Variants in MAJIN observed in about 807,000 individuals in gnomAD.
MAJIN encodes the protein membrane-anchored junction protein.
In MAJIN, 27 loss-of-function variants were observed where a neutral mutation model predicts 30.2. That is an observed-to-expected ratio of 0.89 (90% CI 0.66 to 1.23). The LOEUF (loss-of-function observed/expected upper bound fraction) is 1.23. MAJIN is among the 50% of genes most tolerant of loss of function. MAJIN has a pLI of 0.00. For missense variants in MAJIN, 253 were observed against 260.3 expected, an observed-to-expected ratio of 0.97 and a Z score of 0.19; for synonymous variants, 78 against 91.6, an observed-to-expected ratio of 0.85 and a Z score of 0.85.
intron 6 of MAJIN, among the ~76,000 whole-genome samples, chr11:64,948,841 AT>A (rs1359078171): frequency 6.9e-6 from 1 of 145,538 alleles, no homozygotes; most frequent in Non-Finnish European, 1.5e-5. Flanking sequence ...TTTAGTAGAA[AT>A]GGGGTTTCAC....
At chr11:64,940,352 C>T (rs560903493) in intron 9 of MAJIN, among the ~76,000 whole-genome samples, 2 of 152,266 alleles carry the variant, frequency 1.3e-5, no homozygotes, top group African/African-American at 4.8e-5. Flanking sequence ...AGAGGAAGGG[C>T]ATGCCCTACC....
intron 1 of MAJIN, among the ~76,000 whole-genome samples, chr11:64,962,562 T>C (rs950826012): frequency 1.3e-5 from 2 of 152,108 alleles, no homozygotes; most frequent in African/African-American, 4.8e-5. Flanking sequence ...ACAGGCAGTA[T>C]GGGATAGTGC....
chr11:64,955,465 T>C (rs1410266508), intron 3 of MAJIN, among the ~76,000 whole-genome samples: 3 of 152,256 alleles, frequency 2.0e-5, no homozygotes, highest in Non-Finnish European at 4.4e-5. Context: ...CTCACTTGTG[T>C]GACTGTTTAA....
chr11:64,943,283 C>T (rs894251760), intron 8 of MAJIN, among the ~76,000 whole-genome samples: 1 of 152,168 alleles, frequency 6.6e-6, no homozygotes. Flanking sequence ...ATTTTTTATC[C>T]TTCCAAAGTC....
chr11:64,959,236 G>A, intron 3 of MAJIN, 69 bp downstream of exon 3: 1 of 1,261,380 alleles, frequency 7.9e-7, no homozygotes, highest in Admixed American at 1.7e-5. Context: ...GTAAAGAAGA[G>A]GTGACCTGTG....
chr11:64,951,324 T>A (rs1945547928), intron 4 of MAJIN, among the ~76,000 whole-genome samples: 1 of 152,238 alleles, frequency 6.6e-6, no homozygotes, highest in Non-Finnish European at 1.5e-5. Context: ...GATTAGTCCC[T>A]AATTAAGCTA....
chr11:64,946,499 C>A (rs1296434899), intron 8 of MAJIN, among the ~76,000 whole-genome samples: 3 of 152,220 alleles, frequency 2.0e-5, no homozygotes, highest in Non-Finnish European at 4.4e-5. Context: ...AGCAAAGCTT[C>A]ATACCTCCAA....
At chr11:64,952,468 G>A (rs146953754) in intron 4 of MAJIN, among the ~76,000 whole-genome samples, 3 of 152,126 alleles carry the variant, frequency 2.0e-5, no homozygotes, top group Non-Finnish European at 4.4e-5. Context: ...GATTACAGGC[G>A]TGAGCCACAG....
Position 64,954,751 on chromosome 11 carries a change from C to G in MAJIN, c.147+6G>C. On this transcript the variant is annotated splice_donor_region_variant and intron_variant, in intron 4 of 10. Transcript: ENST00000301896. ...TTTTCCAGAAGTCGTATGCTTCTTT[C>G]CCTACCTCCAGCTCCTGGGTGATGA... 1 of 1,613,424 alleles carries G rather than the reference C, an allele frequency of 6.2e-7. No homozygotes were observed. Among genetic ancestry groups the G allele is most frequent in the Non-Finnish European group, 8.5e-7 (1 of 1,179,422 alleles).
At chr11:64,951,045 G>C (rs1032264818) in intron 4 of MAJIN, among the ~76,000 whole-genome samples, 1 of 152,122 alleles carries the variant, frequency 6.6e-6, no homozygotes, top group Non-Finnish European at 1.5e-5. Flanking sequence ...ATAATTGTTA[G>C]TATCAAACTT....
intron 1 of MAJIN, among the ~76,000 whole-genome samples, chr11:64,969,356 G>T (rs1167161839): frequency 6.6e-6 from 1 of 151,628 alleles, no homozygotes; most frequent in Non-Finnish European, 1.5e-5. Flanking sequence ...GATCATCCAG[G>T]AAGAAATTAT....
intron 1 of MAJIN, among the ~76,000 whole-genome samples, chr11:64,970,748 C>T (rs937311026): frequency 2.0e-5 from 3 of 152,078 alleles, no homozygotes; most frequent in Non-Finnish European, 4.4e-5. Context: ...ATCTTTCTGC[C>T]CACTTGCCCA....
chr11:64,959,258 G>C, intron 3 of MAJIN, 47 bp downstream of exon 3: 1 of 1,463,130 alleles, frequency 6.8e-7, no homozygotes, highest in Non-Finnish European at 9.6e-7. Flanking sequence ...GAATGCACTA[G>C]CACTAACTGG....
intron 3 of MAJIN, among the ~76,000 whole-genome samples, chr11:64,955,617 A>C (rs1945618487): frequency 6.6e-6 from 1 of 152,246 alleles, no homozygotes; most frequent in Non-Finnish European, 1.5e-5. Flanking sequence ...TGTCAACTCA[A>C]GGAAAAGAAC....
At chr11:64,945,224 A>G (rs610130) in intron 8 of MAJIN, among the ~76,000 whole-genome samples, 114,358 of 151,694 alleles carry the variant, frequency 0.75, 43,316 homozygotes, top group African/African-American at 0.77. Flanking sequence ...CAGGCGTGGT[A>G]GCACACGCCT....
At chr11:64,962,209 T>G (rs77432824) in intron 1 of MAJIN, among the ~76,000 whole-genome samples, 1 of 152,228 alleles carries the variant, frequency 6.6e-6, no homozygotes, top group Non-Finnish European at 1.5e-5. Flanking sequence ...GGAAATTTCA[T>G]GTGTTGTACC....
intron 1 of MAJIN, among the ~76,000 whole-genome samples, chr11:64,970,278 G>A (rs532272995): frequency 6.7e-6 from 1 of 148,288 alleles, no homozygotes; most frequent in African/African-American, 2.5e-5. Context: ...CAGGAGCATC[G>A]CTTGAACCCA....
At position 64,966,145 on chromosome 11, in the gene MAJIN, GAAA is replaced by G. The variant is rs58387921; in HGVS notation, c.-65+5729_-65+5731del. ...ACATGTAAGGAAGAAGATTAAAAAT[GAAA>G]AAAAAAAAAAAAAAAAAGCAGCAGC... On this transcript the variant is annotated intron_variant, in intron 1 of 10. Coordinates refer to ENST00000301896, the MANE Select transcript of MAJIN (RefSeq NM_001037225.3). 1.2e-3 allele frequency among the ~76,000 whole-genome samples: 68 copies of G among 57,122 alleles called. 1 individual carries two copies. Among genetic ancestry groups the G allele is most frequent in the African/African-American group, 4.6e-3 (66 of 14,456 alleles). 37.5% of individuals were successfully genotyped at this position (57,122 alleles called of 152,430 possible).
chr11:64,942,828 T>G (rs969572982), intron 8 of MAJIN, among the ~76,000 whole-genome samples: 3 of 151,406 alleles, frequency 2.0e-5, no homozygotes, highest in Non-Finnish European at 1.5e-5. Flanking sequence ...GAATGATTCT[T>G]ACAAATTTAA....
Sources: allele counts gnomAD v4.1 joint callset (sites outside exome capture counted in the v4.1 genomes callset), GRCh38; gene constraint gnomAD v4.1.1; transcripts MANE v1.5; gene names NCBI Gene and HGNC (gene_info 2026-07-23, HGNC 2026-07-21).